Variants in CADM2 observed in about 807,000 individuals in gnomAD.
CADM2 encodes the protein cell adhesion molecule 2.
In CADM2, 12 loss-of-function variants were observed where a neutral mutation model predicts 49.8. That is an observed-to-expected ratio of 0.24 (90% confidence interval 0.15 to 0.39). CADM2 has a LOEUF of 0.39. CADM2 is among the 10% of genes least tolerant of loss of function. CADM2 has a pLI of 1.00. For missense variants in CADM2, 378 were observed against 492.3 expected (o/e 0.77, Z 2.20); for synonymous variants, 214 against 175.4 (o/e 1.22, Z -1.74).
At chr3:85,375,979 C>T (rs992035667) in intron 1 of CADM2, among the ~76,000 whole-genome samples, 5 of 152,086 alleles carry the variant, frequency 3.3e-5, no homozygotes, top group African/African-American at 1.2e-4. Flanking sequence ...TCACTGGATA[C>T]ATATGATCAG....
At chr3:85,995,249 A>G (rs1729241387) in intron 8 of CADM2, among the ~76,000 whole-genome samples, 1 of 152,180 alleles carries the variant, frequency 6.6e-6, no homozygotes. Flanking sequence ...GTGTTATTTA[A>G]TACATGACAC....
intron 1 of CADM2, among the ~76,000 whole-genome samples, chr3:85,103,038 CA>C (rs1246646057): frequency 6.6e-6 from 1 of 151,912 alleles, no homozygotes; most frequent in African/African-American, 2.4e-5. Flanking sequence ...CCCAAGGAAA[CA>C]GAACTTTAAA....
chr3:84,967,536 G>A (rs2031093329), intron 1 of CADM2, among the ~76,000 whole-genome samples: 1 of 152,028 alleles, frequency 6.6e-6, no homozygotes, highest in Non-Finnish European at 1.5e-5. Flanking sequence ...TATATAGTAA[G>A]CTTTTTATTT....
chr3:85,736,255 A>G (rs921009666), intron 2 of CADM2, among the ~76,000 whole-genome samples: 9 of 152,250 alleles, frequency 5.9e-5, no homozygotes, highest in Non-Finnish European at 1.2e-4. Context: ...CAATGTGGAA[A>G]CAAGCAATGT....
intron 1 of CADM2, among the ~76,000 whole-genome samples, chr3:85,554,562 C>T (rs976398834): frequency 6.6e-6 from 1 of 152,168 alleles, no homozygotes; most frequent in Non-Finnish European, 1.5e-5. Context: ...TAGAGATGTA[C>T]AGGATGATAA....
chr3:86,031,177 C>T (rs1388677844), intron 8 of CADM2, among the ~76,000 whole-genome samples: 1 of 151,598 alleles, frequency 6.6e-6, no homozygotes, highest in Non-Finnish European at 1.5e-5. Context: ...TACATGATTC[C>T]CATGAGGCAT....
At chr3:84,969,235 T>C (rs1352820382) in intron 1 of CADM2, among the ~76,000 whole-genome samples, 1 of 152,018 alleles carries the variant, frequency 6.6e-6, no homozygotes, top group East Asian at 1.9e-4. Context: ...TATTTATGCT[T>C]ATGGCAATAA....
intron 1 of CADM2, among the ~76,000 whole-genome samples, chr3:85,565,487 A>G (rs2062230078): frequency 6.6e-6 from 1 of 152,092 alleles, no homozygotes; most frequent in Non-Finnish European, 1.5e-5. Flanking sequence ...AAATATTAAT[A>G]AAACCATCTT....
At chr3:85,954,233 A>C (rs560179653) in intron 7 of CADM2, among the ~76,000 whole-genome samples, 18 of 151,200 alleles carry the variant, frequency 1.2e-4, no homozygotes, top group African/African-American at 4.1e-4. Context: ...ACCTAAAGCA[A>C]TAATTTTTCA....
At chr3:84,959,866 G>A (rs899423542) in intron 1 of CADM2, among the ~76,000 whole-genome samples, 198 bp downstream of exon 1, 1 of 151,924 alleles carries the variant, frequency 6.6e-6, no homozygotes, top group Non-Finnish European at 1.5e-5. Context: ...GCTCAGCCCT[G>A]CCTTCCCAGC....
chr3:85,664,514 T>A (rs1262310952), intron 1 of CADM2, among the ~76,000 whole-genome samples: 1 of 151,998 alleles, frequency 6.6e-6, no homozygotes, highest in East Asian at 1.9e-4. Flanking sequence ...CCTTTGTTTC[T>A]GCCTTCATTA....
At chr3:85,747,401 C>G (rs1423204867) in intron 2 of CADM2, among the ~76,000 whole-genome samples, 1 of 151,924 alleles carries the variant, frequency 6.6e-6, no homozygotes, top group East Asian at 1.9e-4. Context: ...TTAACACTTC[C>G]TTGTATGTTT....
intron 3 of CADM2, among the ~76,000 whole-genome samples, chr3:85,878,716 G>A (rs1454179559): frequency 6.6e-6 from 1 of 152,018 alleles, no homozygotes; most frequent in Non-Finnish European, 1.5e-5. Context: ...CCATGAAAAT[G>A]GTTTAAATAT....
intron 1 of CADM2, among the ~76,000 whole-genome samples, chr3:85,388,414 C>T (rs953822112): frequency 2.6e-5 from 4 of 152,072 alleles, no homozygotes; most frequent in African/African-American, 9.7e-5. Context: ...AGGAAAGAAG[C>T]GGGTTACTAG....
intron 5 of CADM2, among the ~76,000 whole-genome samples, chr3:85,904,761 T>C (rs1195534208): frequency 1.3e-5 from 2 of 152,168 alleles, no homozygotes; most frequent in African/African-American, 4.8e-5. Context: ...TTCACGATAT[T>C]GACTCGTAAA....
chr3:85,449,144 G>T (rs1439536111), intron 1 of CADM2, among the ~76,000 whole-genome samples: 1 of 150,232 alleles, frequency 6.7e-6, no homozygotes, highest in African/African-American at 2.4e-5. Flanking sequence ...TAGAATTTTT[G>T]TATATAAAGA....
chr3:85,997,138 A>G (rs1729531432), intron 8 of CADM2, among the ~76,000 whole-genome samples: 2 of 152,246 alleles, frequency 1.3e-5, no homozygotes, highest in African/African-American at 4.8e-5. Context: ...TTTTGTTTAA[A>G]TTATATTTGA....
At chr3:85,601,159 TATATATATATATATAC>T (rs1225364176) in intron 1 of CADM2, among the ~76,000 whole-genome samples, 1 of 79,842 alleles carries the variant, frequency 1.3e-5, no homozygotes, top group African/African-American at 4.2e-5. Context: ...TATATATATA[TATATATATATATATAC>T]ACACACACAC....
At chr3:85,210,666 G>T (rs60309965) in intron 1 of CADM2, among the ~76,000 whole-genome samples, 10,909 of 151,946 alleles carry the variant, frequency 0.072, 1,305 homozygotes, top group African/African-American at 0.25. Flanking sequence ...CTGAGCCTCG[G>T]AGTAGCTGGG....
Sources: gnomAD v4.1 joint callset for allele counts (sites outside exome capture counted in the v4.1 genomes callset) on GRCh38, gnomAD v4.1.1 for gene constraint, MANE v1.5 for transcripts, NCBI Gene and HGNC (gene_info 2026-07-23, HGNC 2026-07-21) for gene names.